The following LITAF variants were observed in gnomAD, a reference collection of about 807,000 sequenced individuals.
LITAF encodes lipopolysaccharide induced TNF factor.
Under a neutral mutation model 14.5 loss-of-function variants are expected in LITAF, and 9 were observed. That is an observed-to-expected ratio of 0.62 (90% CI 0.37 to 1.08). The LOEUF (loss-of-function observed/expected upper bound fraction) is 1.08, where lower values mean the gene tolerates loss of function less well. Among genes scored for constraint, LITAF ranks in the 50% least tolerant of loss-of-function variants. The pLI is 0.01. For missense variants in LITAF, 206 were observed against 213.4 expected, an observed-to-expected ratio of 0.97 and a Z score of 0.22; for synonymous variants, 98 against 88.2, an observed-to-expected ratio of 1.11 and a Z score of -0.62.
Position 11,634,225 on chromosome 16 carries a change from A to G in LITAF, c.-20-588T>C, listed in dbSNP as rs2065129657. On this transcript the variant is annotated intron_variant, in intron 2 of 3. Transcript: ENST00000574848. This position sits in a 1 kb window ranked among gnomAD's most constrained non-coding sequence, Gnocchi z 4.1. ...AGGAGACCTGATCTAACCAACCCCC[A>G]TCTTGCCTTTCACCTCCAAACTGCT... 6.6e-6 allele frequency among the ~76,000 whole-genome samples: 1 copy of G among 152,140 alleles called. No homozygotes were observed. Among genetic ancestry groups the G allele is most frequent in the South Asian group, 2.1e-4 (1 of 4,824 alleles).
chr16:11,610,967 A>T (rs560035778), intron 3 of LITAF, among the ~76,000 whole-genome samples: 1 of 152,124 alleles, frequency 6.6e-6, no homozygotes, highest in African/African-American at 2.4e-5. Flanking sequence ...CCAGCTACCG[A>T]AATCTAAGGG....
chr16:11,605,370 G>A lies in LITAF; in HGVS notation c.85+28163C>T, dbSNP rs966705033. ...ACGAGGCCCAGGATTCCTCCCAGGCGGGATCCTGTGCACCTCCCGGAGGAC... is the reference window on the plus strand; with the variant it reads ...ACGAGGCCCAGGATTCCTCCCAGGCAGGATCCTGTGCACCTCCCGGAGGAC... On this transcript the variant is annotated intron_variant, in intron 3 of 3. Transcript: ENST00000574848. The surrounding 1 kb of genome is among the most constrained non-coding windows in gnomAD (Gnocchi z 4.7). Among the ~76,000 whole-genome samples the A allele has an allele frequency of 5.3e-5, 8 of 152,264 alleles. No individual in the cohort carries two copies. The highest frequency in any genetic ancestry group is 2.1e-4 in the South Asian group (1 of 4,830).
At chr16:11,550,375 C>T (rs1026385970) in intron 3 of LITAF, among the ~76,000 whole-genome samples, 31 of 152,136 alleles carry the variant, frequency 2.0e-4, no homozygotes, top group African/African-American at 7.2e-4. Flanking sequence ...CAGGCGAGAG[C>T]CACCACACCC....
At chr16:11,572,792 A>C (rs2064565408) in intron 1 of LITAF, among the ~76,000 whole-genome samples, 1 of 152,220 alleles carries the variant, frequency 6.6e-6, no homozygotes, top group South Asian at 2.1e-4. Flanking sequence ...GTCCAAATAA[A>C]GCCTGGAGTT....
chr16:11,566,101 A>G (rs2064447740), intron 1 of LITAF, among the ~76,000 whole-genome samples: 1 of 152,130 alleles, frequency 6.6e-6, no homozygotes, highest in African/African-American at 2.4e-5. Flanking sequence ...GGAACACATA[A>G]GCACTCGGTA....
chr16:11,593,858 G>A (rs986277763), intron 1 of LITAF, among the ~76,000 whole-genome samples: 1 of 152,140 alleles, frequency 6.6e-6, no homozygotes, highest in Admixed American at 6.6e-5. Context: ...CTGCCCAAGA[G>A]TATGAGGTTT....
intron 3 of LITAF, among the ~76,000 whole-genome samples, chr16:11,614,864 A>G (rs1283976412): frequency 1.3e-5 from 2 of 152,240 alleles, no homozygotes; most frequent in Non-Finnish European, 2.9e-5. Context: ...CTGCAGCTGG[A>G]CCAGCTCTGT....
At chr16:11,551,769 C>T in intron 3 of LITAF, 2 of 685,532 alleles carry the variant, frequency 2.9e-6, no homozygotes, top group South Asian at 3.0e-5. Context: ...GAGATCAAAG[C>T]TGCGGAGAGC....
rs964646866 is a variant in LITAF, at chr16:11,634,220, C to A, written c.-20-583G>T. 6.6e-6 allele frequency among the ~76,000 whole-genome samples: 1 copy of A among 152,206 alleles called. No individual in the cohort carries two copies. The highest frequency in any genetic ancestry group is 1.5e-5 in the Non-Finnish European group (1 of 68,042). ...AGTGAAGGAGACCTGATCTAACCAACCCCCATCTTGCCTTTCACCTCCAAA... is the reference window on the plus strand; with the variant it reads ...AGTGAAGGAGACCTGATCTAACCAAACCCCATCTTGCCTTTCACCTCCAAA... On this transcript the variant is annotated intron_variant, in intron 2 of 3. Transcript: ENST00000574848. The surrounding 1 kb of genome is among the most constrained non-coding windows in gnomAD (Gnocchi z 4.1).
At position 11,553,052 on chromosome 16, in the gene LITAF, T is replaced by A. The variant is rs1008431958; in HGVS notation, c.377+481A>T. On this transcript the variant is annotated intron_variant, in intron 3 of 3. Coordinates refer to ENST00000622633, the MANE Select transcript of LITAF (RefSeq NM_001136472.2). The surrounding 1 kb of genome is among the most constrained non-coding windows in gnomAD (Gnocchi z 7.7). ...ATAGCTTGAACCTGGGAGGCGGAGG[T>A]TGCAGTGAGCCGGGATCGTGCTACT... 6.6e-6 allele frequency among the ~76,000 whole-genome samples: 1 copy of A among 151,580 alleles called. No homozygotes were observed.
upstream of LITAF, among the ~76,000 whole-genome samples, chr16:11,637,517 G>A (rs1002136961): frequency 2.6e-5 from 4 of 152,226 alleles, no homozygotes; most frequent in Admixed American, 6.5e-5. Flanking sequence ...TAAAACTGCC[G>A]TGAGGAGCAA....
At position 11,558,790 on chromosome 16, in the gene LITAF, G is replaced by A. The variant is rs2064313396; in HGVS notation, c.-5-2055C>T. Among the ~76,000 whole-genome samples the A allele has an allele frequency of 6.6e-6, 1 of 152,150 alleles. No individual in the cohort carries two copies. The highest frequency in any genetic ancestry group is 2.4e-5 in the African/African-American group (1 of 41,424). ...GAAAGTCAGTAAGTAAAGATAGGTTGGGGCTGCATTCTAGAAAACTTTGAA... is the reference window on the plus strand; with the variant it reads ...GAAAGTCAGTAAGTAAAGATAGGTTAGGGCTGCATTCTAGAAAACTTTGAA... On this transcript the variant is annotated intron_variant, in intron 1 of 3. Coordinates refer to ENST00000622633, the MANE Select transcript of LITAF (RefSeq NM_001136472.2). The surrounding 1 kb of genome is among the most constrained non-coding windows in gnomAD (Gnocchi z 4.1).
chr16:11,578,251 T>A (rs1435293773), intron 1 of LITAF, among the ~76,000 whole-genome samples: 1 of 152,208 alleles, frequency 6.6e-6, no homozygotes, highest in East Asian at 1.9e-4. Flanking sequence ...GCTGGACTCC[T>A]TGACTCTCTT....
rs759736621 is a variant in LITAF at position 11,553,571 on chromosome 16, A to G, written c.339T>C (p.Ala113=). 1.9e-6 allele frequency: 3 copies of G among 1,614,146 alleles called. No homozygotes were observed. The highest frequency in any genetic ancestry group is 2.5e-6 in the Non-Finnish European group (3 of 1,180,028). Residue 113 remains alanine (A), a synonymous_variant, in exon 3 of 4, where the codon GCT becomes GCC. Coordinates refer to ENST00000622633, the MANE Select transcript of LITAF (RefSeq NM_001136472.2). This position sits in a 1 kb window ranked among gnomAD's most constrained non-coding sequence, Gnocchi z 7.7. The stretch of plus-strand genomic sequence containing the variant: ...GGCTCCCGCAGGACAGCCAGGTCAG[A>G]GCACCGGCGTTATAGGACAGCTGAC... ...IVSQLSYNAG[A]LTWLSCGSLC...
chr16:11,571,726 G>A (rs1254633274), intron 1 of LITAF, among the ~76,000 whole-genome samples: 1 of 152,168 alleles, frequency 6.6e-6, no homozygotes, highest in Non-Finnish European at 1.5e-5. Flanking sequence ...TGTGGTCTCT[G>A]GGAGGGACTG....
intron 1 of LITAF, among the ~76,000 whole-genome samples, chr16:11,581,820 C>T (rs1226723550): frequency 1.3e-5 from 2 of 152,096 alleles, no homozygotes; most frequent in Non-Finnish European, 2.9e-5. Flanking sequence ...ATATTTACAC[C>T]TGACCACAAG....
upstream of LITAF, among the ~76,000 whole-genome samples, chr16:11,639,920 G>A (rs1351374588): frequency 1.3e-5 from 2 of 152,124 alleles, no homozygotes; most frequent in African/African-American, 4.8e-5. Flanking sequence ...GAGTACAGGC[G>A]AGAGCCACCA....
intron 1 of LITAF, among the ~76,000 whole-genome samples, chr16:11,582,940 T>C (rs988754152): frequency 3.9e-5 from 6 of 152,220 alleles, no homozygotes; most frequent in African/African-American, 7.2e-5. Flanking sequence ...AATACGGTTT[T>C]TGTTGTCATG....
At chr16:11,601,024 G>A (rs1461221638), upstream of LITAF, among the ~76,000 whole-genome samples, 3 of 151,964 alleles carry the variant, frequency 2.0e-5, no homozygotes, top group Admixed American at 6.6e-5. Flanking sequence ...TGACCAAGAA[G>A]AAAAATCCCG....
Sources: allele counts gnomAD v4.1 joint callset (sites outside exome capture counted in the v4.1 genomes callset), GRCh38; gene constraint gnomAD v4.1.1; non-coding constraint Gnocchi (gnomAD v3.1); transcripts MANE v1.5; gene names NCBI Gene and HGNC (gene_info 2026-07-23, HGNC 2026-07-21).